Variants in GREM1 observed in about 807,000 individuals in gnomAD.
The protein encoded by GREM1 is gremlin-1.
GREM1 carries 6 observed loss-of-function variants against 13.1 expected under a neutral mutation model. The ratio of observed to expected loss-of-function variants is 0.46; its 90% CI spans 0.25 to 0.91. The LOEUF is 0.91. Among genes scored for constraint, GREM1 ranks in the 40% least tolerant of loss-of-function variants. GREM1 has a pLI of 0.18. For synonymous variants in GREM1, 98 were observed against 93.7 expected (o/e 1.05, Z -0.27); for missense variants, 185 against 233.9 (o/e 0.79, Z 1.36).
rs1420641890 is a variant in GREM1, at chr15:32,739,078, AAAAG to A, written c.*7836_*7839del. On this transcript the variant is annotated 3_prime_UTR_variant, in exon 2 of 2. Transcript: ENST00000651154. ...CTAGGGCAATTAGGCAAAAAAAGGA[AAAAG>A]AAGTCATCCAGATTAGAAAAGAAAT... 6.6e-6 allele frequency: 1 copy of A among 152,222 alleles called. No homozygotes were observed. The highest frequency in any genetic ancestry group is 2.4e-5 in the African/African-American group (1 of 41,458). 9.4% of individuals were successfully genotyped at this position (152,222 alleles called of 1,614,324 possible).
In GREM1 at chr15:32,737,496, A is replaced by T. The variant is rs1032887887; in HGVS notation, c.*6251A>T. 1 of 152,234 alleles carries T rather than the reference A, an allele frequency of 6.6e-6. No homozygotes were observed. The allele number at this position is 152,234 out of a possible 1,614,324, so 9.4% of individuals were successfully genotyped here. A position where few individuals can be genotyped will look rare whatever the true frequency, so the allele number is the denominator to read the frequency against. On this transcript the variant is annotated 3_prime_UTR_variant, in exon 2 of 2. Transcript: ENST00000651154. ...TGTAATGCATCATATTAATAGAATA[A>T]AGACAGAAACCACACAATCATCTCG...
chr15:32,742,633 A>C lies in GREM1; in HGVS notation c.*11388A>C, dbSNP rs1264576663. The C allele has an allele frequency of 6.6e-6, 1 of 152,222 alleles. No individual in the cohort carries two copies. The highest frequency in any genetic ancestry group is 1.9e-4 in the East Asian group (1 of 5,204). The allele number at this position is 152,222 out of a possible 1,614,324, so 9.4% of individuals were successfully genotyped here. A position where few individuals can be genotyped will look rare whatever the true frequency, so the allele number is the denominator to read the frequency against. On this transcript the variant is annotated 3_prime_UTR_variant, in exon 2 of 2. Transcript: ENST00000651154. ...TTCCTGATTTCAAAATATCCTGCAA[A>C]GGTACAGTAATCAAAACAGTATGTT...
chr15:32,718,421 C>T (rs750319123), intron 1 of GREM1: 1 of 478,908 alleles, frequency 2.1e-6, no homozygotes, highest in African/African-American at 2.0e-5. Context: ...ACCCCCACAT[C>T]CCGTTTCCAC....
intron 1 of GREM1, among the ~76,000 whole-genome samples, chr15:32,729,430 C>T (rs1002806026): frequency 6.6e-6 from 1 of 152,200 alleles, no homozygotes; most frequent in African/African-American, 2.4e-5. Context: ...AAATATGCTG[C>T]TCCTTCTCCA....
At chr15:32,726,708 CTGTTT>C (rs1214234600) in intron 1 of GREM1, among the ~76,000 whole-genome samples, 1 of 28,766 alleles carries the variant, frequency 3.5e-5, no homozygotes, top group Non-Finnish European at 9.1e-5. Flanking sequence ...AACCCAGGAG[CTGTTT>C]TTTTTTTTTT....
At chr15:32,727,467 A>C (rs1229647257) in intron 1 of GREM1, among the ~76,000 whole-genome samples, 1 of 152,166 alleles carries the variant, frequency 6.6e-6, no homozygotes, top group African/African-American at 2.4e-5. Context: ...AAGAACTCTC[A>C]ATAAACTAGG....
In GREM1 at chr15:32,744,992, A is replaced by G. The variant is rs775666655; in HGVS notation, c.*13747A>G. On this transcript the variant is annotated 3_prime_UTR_variant, in exon 2 of 2. Coordinates refer to ENST00000651154, the MANE Select transcript of GREM1 (RefSeq NM_013372.7). ...AAGAACAAAATGTACTTTGACACAC[A>G]TCATTTTGTTTGGTTCTCATTAATT... The G allele has an allele frequency of 4.6e-5, 7 of 152,198 alleles. No individual in the cohort carries two copies. Among genetic ancestry groups the G allele is most frequent in the Non-Finnish European group, 8.8e-5 (6 of 68,032 alleles). The allele number at this position is 152,198 out of a possible 1,614,324, so 9.4% of individuals were successfully genotyped here.
At position 32,738,724 on chromosome 15, in the gene GREM1, T is replaced by C. The variant is rs2055735445; in HGVS notation, c.*7479T>C. 6.6e-6 allele frequency: 1 copy of C among 152,208 alleles called. No individual in the cohort carries two copies. Among genetic ancestry groups the C allele is most frequent in the African/African-American group, 2.4e-5 (1 of 41,440 alleles). 9.4% of individuals were successfully genotyped at this position (152,208 alleles called of 1,614,324 possible). On this transcript the variant is annotated 3_prime_UTR_variant, in exon 2 of 2. Transcript: ENST00000651154. ...GTTCATGCCCATAATCCCAGCACTTTGGGAAGTTGAGGCAGAAGGATCACT... is the reference window on the plus strand; with the variant it reads ...GTTCATGCCCATAATCCCAGCACTTCGGGAAGTTGAGGCAGAAGGATCACT...
intron 1 of GREM1, among the ~76,000 whole-genome samples, chr15:32,725,851 G>A (rs1011438493): frequency 1.8e-4 from 27 of 151,806 alleles, no homozygotes; most frequent in Admixed American, 4.6e-4. Flanking sequence ...AGTTTTCTGC[G>A]TATGGCTAGC....
Position 32,734,300 on chromosome 15 carries a change from A to T in GREM1, c.*3055A>T, listed in dbSNP as rs1356301278. 2 of 245,586 alleles carry T rather than the reference A, an allele frequency of 8.1e-6. No homozygotes were observed. The highest frequency in any genetic ancestry group is 1.7e-5 in the Non-Finnish European group (2 of 116,684). 15.2% of individuals were successfully genotyped at this position (245,586 alleles called of 1,614,324 possible). On this transcript the variant is annotated 3_prime_UTR_variant, in exon 2 of 2. Coordinates refer to ENST00000651154, the MANE Select transcript of GREM1 (RefSeq NM_013372.7). The stretch of plus-strand genomic sequence containing the variant: ...CATGTATACAAACGAATAGCAGATA[A>T]TGATGACTAGTTCACACATAAAGTC...
chr15:32,728,603 C>T (rs753673278), intron 1 of GREM1, among the ~76,000 whole-genome samples: 4 of 152,254 alleles, frequency 2.6e-5, no homozygotes, highest in South Asian at 2.1e-4. Flanking sequence ...ACTGCCTTTG[C>T]GCAAGGTAGT....
At chr15:32,727,489 CAT>C (rs957986893) in intron 1 of GREM1, among the ~76,000 whole-genome samples, 45 of 152,252 alleles carry the variant, frequency 3.0e-4, no homozygotes, top group Middle Eastern at 6.8e-3. Flanking sequence ...ATTGATGAAA[CAT>C]ATCTCAAAAT....
chr15:32,719,665 C>T (rs1056411366), intron 1 of GREM1, among the ~76,000 whole-genome samples: 1 of 152,114 alleles, frequency 6.6e-6, no homozygotes, highest in Non-Finnish European at 1.5e-5. Context: ...GGTGCCAGGA[C>T]ACGAACTGAT....
intron 1 of GREM1, among the ~76,000 whole-genome samples, chr15:32,726,358 A>G (rs545567196): frequency 1.3e-5 from 2 of 152,310 alleles, no homozygotes; most frequent in East Asian, 3.9e-4. Flanking sequence ...AAACCACACA[A>G]CTGCATGGAA....
chr15:32,727,605 A>C (rs1595849094), intron 1 of GREM1, among the ~76,000 whole-genome samples: 1 of 152,072 alleles, frequency 6.6e-6, no homozygotes, highest in South Asian at 2.1e-4. Flanking sequence ...TTCTCTCACC[A>C]CTCCTATTCA....
chr15:32,741,645 A>G lies in GREM1; in HGVS notation c.*10400A>G, dbSNP rs548485686. ...GCAACAATTTTACCCTTTGTTTTCA[A>G]CGTGAGCGTCTTTTATTTATTTTTC... On this transcript the variant is annotated 3_prime_UTR_variant, in exon 2 of 2. Coordinates refer to ENST00000651154, the MANE Select transcript of GREM1 (RefSeq NM_013372.7). 5.2e-4 allele frequency: 79 copies of G among 152,114 alleles called. No homozygotes were observed. The highest frequency in any genetic ancestry group is 1.8e-3 in the African/African-American group (75 of 41,524). The allele number at this position is 152,114 out of a possible 1,614,324, so 9.4% of individuals were successfully genotyped here. A position where few individuals can be genotyped will look rare whatever the true frequency, so the allele number is the denominator to read the frequency against.
intron 1 of GREM1, among the ~76,000 whole-genome samples, chr15:32,723,946 G>A (rs2140675268): frequency 6.6e-6 from 1 of 152,320 alleles, no homozygotes; most frequent in East Asian, 1.9e-4. Flanking sequence ...ACATCCAAAG[G>A]ATAGCAATTG....
intron 1 of GREM1, among the ~76,000 whole-genome samples, chr15:32,724,673 T>C (rs533706402): frequency 1.3e-5 from 2 of 152,076 alleles, no homozygotes; most frequent in South Asian, 2.1e-4. Context: ...AGTTCTGGGA[T>C]ACATGTGCAG....
At chr15:32,724,639 T>C (rs2055465626) in intron 1 of GREM1, among the ~76,000 whole-genome samples, 1 of 151,462 alleles carries the variant, frequency 6.6e-6, no homozygotes, top group Admixed American at 6.6e-5. Context: ...TTTTTTTTTT[T>C]CTTTTTCTTT....
Sources: gnomAD v4.1 joint callset for allele counts (sites outside exome capture counted in the v4.1 genomes callset) on GRCh38, gnomAD v4.1.1 for gene constraint, MANE v1.5 for transcripts, NCBI Gene and HGNC (gene_info 2026-07-23, HGNC 2026-07-21) for gene names.